The following RAD54L2 variants were observed in gnomAD, a reference collection of about 807,000 sequenced individuals.
RAD54L2 encodes helicase ARIP4.
Under a neutral mutation model 138.4 loss-of-function variants are expected in RAD54L2, and 27 were observed. That is an observed-to-expected ratio of 0.20 (90% CI 0.14 to 0.27). The LOEUF is 0.27. Ranked by LOEUF, RAD54L2 falls within the 10% of genes least tolerant of loss-of-function variation. The probability of loss-of-function intolerance (pLI) is 1.00; values close to 1 mark genes in which losing one functional copy is unlikely to be tolerated. For synonymous variants in RAD54L2, 644 were observed against 723.2 expected, an observed-to-expected ratio of 0.89 and a Z score of 1.76; for missense variants, 1,396 against 1,890.2, an observed-to-expected ratio of 0.74 and a Z score of 4.85.
At chr3:51,660,822 A>C (rs1174521758) in intron 22 of RAD54L2, among the ~76,000 whole-genome samples, 1 of 146,866 alleles carries the variant, frequency 6.8e-6, no homozygotes, top group African/African-American at 2.5e-5. Context: ...GGGTTTCACC[A>C]TGTTGATCAG....
intron 15 of RAD54L2, among the ~76,000 whole-genome samples, chr3:51,642,763 C>T (rs952498506): frequency 6.6e-6 from 1 of 152,080 alleles, no homozygotes; most frequent in Non-Finnish European, 1.5e-5. Context: ...ACTGGAGGTT[C>T]AGGGAGTAGC....
At chr3:51,632,458 T>A (rs184949014) in intron 7 of RAD54L2, among the ~76,000 whole-genome samples, 1 of 152,228 alleles carries the variant, frequency 6.6e-6, no homozygotes, top group Non-Finnish European at 1.5e-5. Context: ...TGCACCCGGC[T>A]AATTGTTTGT....
Position 51,638,543 on chromosome 3 carries a change from C to T in RAD54L2, c.1860+222C>T, listed in dbSNP as rs1212951219. ...TCACACAGTGTAATATAACTGATGC[C>T]CCCTGCAGTGTGCAACTCAGCTGCA... On this transcript the variant is annotated intron_variant, in intron 12 of 22. Coordinates refer to ENST00000684192, the MANE Select transcript of RAD54L2 (RefSeq NM_015106.4). This position sits in a 1 kb window ranked among gnomAD's most constrained non-coding sequence, Gnocchi z 4.3. 2.0e-6 allele frequency: 1 copy of T among 493,832 alleles called. No individual in the cohort carries two copies. The highest frequency in any genetic ancestry group is 3.6e-6 in the Non-Finnish European group (1 of 281,180). The allele number at this position is 493,832 out of a possible 1,614,324, so 30.6% of individuals were successfully genotyped here. A position where few individuals can be genotyped will look rare whatever the true frequency, so the allele number is the denominator to read the frequency against.
intron 16 of RAD54L2, among the ~76,000 whole-genome samples, chr3:51,644,644 C>T (rs576195141): frequency 2.0e-5 from 3 of 152,192 alleles, no homozygotes; most frequent in Non-Finnish European, 4.4e-5. Context: ...CTGCCTTCTG[C>T]CATCGTAATG....
rs372750645 is a variant in RAD54L2 at position 51,638,117 on chromosome 3, C to T, written c.1683-27C>T. 6.2e-7 allele frequency: 1 copy of T among 1,610,388 alleles called. No individual in the cohort carries two copies. Among genetic ancestry groups the T allele is most frequent in the East Asian group, 2.2e-5 (1 of 44,766 alleles). ...GACCCCTCCTGGCCACACTACCTTG[C>T]CGTTTCTGTTCTGTTTGCCTCCATA... On this transcript the variant is annotated intron_variant, in intron 11 of 22. Coordinates refer to ENST00000684192, the MANE Select transcript of RAD54L2 (RefSeq NM_015106.4). The surrounding 1 kb of genome is among the most constrained non-coding windows in gnomAD (Gnocchi z 4.3).
At chr3:51,630,163 A>G in intron 5 of RAD54L2, 109 bp from the exon 6 acceptor site, 1 of 784,086 alleles carries the variant, frequency 1.3e-6, no homozygotes, top group South Asian at 1.6e-5. Flanking sequence ...TTCTCAGTGG[A>G]TACTCCCCAT....
intron 2 of RAD54L2, among the ~76,000 whole-genome samples, chr3:51,570,924 C>T (rs553617114): frequency 1.3e-5 from 2 of 150,682 alleles, no homozygotes; most frequent in African/African-American, 2.4e-5. Context: ...GGGGTTCAAG[C>T]GATTTTCTTG....
chr3:51,630,329 A>G lies in RAD54L2; in HGVS notation c.539A>G (p.Gln180Arg). ...CAACTGCCTCCTCGGGTCTTGGCCC[A>G]GGAAGTCATTTGTTTGGACAGTAGC... ...GPQLPPRVLA[Q>R]EVICLDSSSG... The change falls in exon 6 of 23, where the codon CAG (glutamine) becomes CGG (arginine). Residue 180 changes from glutamine (Q) to arginine (R), a missense_variant. Physicochemically the swap from Gln to Arg is conservative, Grantham distance 43 (BLOSUM62 1). Around this residue, in one of 7 missense-constraint regions of RAD54L2, gnomAD observed 256 missense variants for 344.6 expected, o/e 0.74. Coordinates refer to ENST00000684192, the MANE Select transcript of RAD54L2 (RefSeq NM_015106.4). 6.2e-7 allele frequency: 1 copy of G among 1,614,018 alleles called. No homozygotes were observed.
chr3:51,643,395 C>G (rs1220382554), intron 15 of RAD54L2, among the ~76,000 whole-genome samples: 2 of 152,254 alleles, frequency 1.3e-5, no homozygotes, highest in Non-Finnish European at 2.9e-5. Flanking sequence ...TTCCATCCTA[C>G]TGTTCCAGAT....
At chr3:51,553,232 C>T (rs1698883676) in intron 2 of RAD54L2, among the ~76,000 whole-genome samples, 1 of 152,102 alleles carries the variant, frequency 6.6e-6, no homozygotes, top group Non-Finnish European at 1.5e-5. Flanking sequence ...TGCCCACTAC[C>T]ACACCCAGCT....
chr3:51,641,387 C>T (rs1701132460), intron 14 of RAD54L2, among the ~76,000 whole-genome samples: 1 of 151,444 alleles, frequency 6.6e-6, no homozygotes, highest in Admixed American at 6.6e-5. Context: ...TGGCGTGATC[C>T]TGCACTACAG....
rs1231441561 is a variant in RAD54L2, at chr3:51,663,394, G to C, written c.4378G>C (p.Asp1460His). ...SSNDDEDKDD[D>H]VIEVTGK ...CAATGATGATGAGGATAAAGACGAT[G>C]ATGTGATAGAGGTCACTGGGAAATA... The change falls in exon 23 of 23, where the codon GAT (aspartate) becomes CAT (histidine). Residue 1460 changes from aspartate (D) to histidine (H), a missense_variant. Around this residue, in one of 7 missense-constraint regions of RAD54L2, gnomAD observed 634 missense variants for 711.2 expected, o/e 0.89. Transcript: ENST00000684192. 5.0e-6 allele frequency: 8 copies of C among 1,613,428 alleles called. No individual in the cohort carries two copies. Among genetic ancestry groups the C allele is most frequent in the Non-Finnish European group, 6.8e-6 (8 of 1,179,574 alleles).
intron 2 of RAD54L2, among the ~76,000 whole-genome samples, chr3:51,543,608 CAAAA>C (rs1169502388): frequency 8.3e-5 from 5 of 60,460 alleles, no homozygotes; most frequent in African/African-American, 1.6e-4. Context: ...AACTCCATCT[CAAAA>C]AAAAAAAAAA....
chr3:51,579,161 C>CTTTTT (rs771455214), intron 2 of RAD54L2, among the ~76,000 whole-genome samples: 3 of 131,648 alleles, frequency 2.3e-5, no homozygotes, highest in Non-Finnish European at 4.9e-5. Context: ...TGAGCCTGGG[C>CTTTTT]TTTTTTTTTT....
At position 51,666,520 on chromosome 3, in the gene RAD54L2, G is replaced by A. The variant is rs1368794634; in HGVS notation, c.*3100G>A. On this transcript the variant is annotated 3_prime_UTR_variant, in exon 23 of 23. Transcript: ENST00000684192. Reference sequence around the variant, plus strand: ...AGGGCCTCTCAAGCCCCATTCATCTGGTTTAGCCAAGTTCTCAGCCTGGGG... The same window carrying A: ...AGGGCCTCTCAAGCCCCATTCATCTAGTTTAGCCAAGTTCTCAGCCTGGGG... The A allele has an allele frequency of 6.6e-6, 1 of 152,050 alleles. No homozygotes were observed. The highest frequency in any genetic ancestry group is 2.4e-5 in the African/African-American group (1 of 41,374). 9.4% of individuals were successfully genotyped at this position (152,050 alleles called of 1,614,324 possible).
At position 51,551,602 on chromosome 3, in the gene RAD54L2, T is replaced by C. The variant is rs1038444064; in HGVS notation, c.-55+9952T>C. Among the ~76,000 whole-genome samples the C allele has an allele frequency of 6.0e-5, 9 of 151,076 alleles. No homozygotes were observed. The East Asian group carries it at 1.4e-3, about 23-fold the overall frequency. On this transcript the variant is annotated intron_variant, in intron 2 of 22. Transcript: ENST00000684192. The stretch of plus-strand genomic sequence containing the variant: ...AGACATGTGCCACACGCCTGGCTAA[T>C]TTTTGTATTTTTGGTAGAGATGGGG...
intron 2 of RAD54L2, among the ~76,000 whole-genome samples, chr3:51,565,089 A>C (rs1699183267): frequency 6.6e-6 from 1 of 152,214 alleles, no homozygotes; most frequent in African/African-American, 2.4e-5. Context: ...GCTAGTCCTC[A>C]GGTGCTTGGG....
intron 22 of RAD54L2, among the ~76,000 whole-genome samples, chr3:51,661,274 T>A (rs72953413): frequency 0.044 from 6,768 of 152,342 alleles, 498 homozygotes; most frequent in African/African-American, 0.15. Context: ...TTTTCTTTGT[T>A]TTTTTAAAAC....
intron 2 of RAD54L2, among the ~76,000 whole-genome samples, chr3:51,568,098 G>A (rs544116878): frequency 8.5e-5 from 13 of 152,274 alleles, no homozygotes; most frequent in African/African-American, 3.1e-4. Context: ...AGAAATGGAA[G>A]TGGCTGCGGT....
Sources: gnomAD v4.1 joint callset for allele counts (sites outside exome capture counted in the v4.1 genomes callset) on GRCh38, gnomAD v4.1.1 for gene constraint, gnomAD v4.1.1 regional missense constraint, Gnocchi (gnomAD v3.1) non-coding constraint, MANE v1.5 for transcripts, NCBI Gene and HGNC (gene_info 2026-07-23, HGNC 2026-07-21) for gene names.